The following ZNF445 variants were observed in gnomAD, a reference collection of about 807,000 sequenced individuals.
ZNF445 encodes zinc finger protein 445.
Under a neutral mutation model 93.9 loss-of-function variants are expected in ZNF445, and 19 were observed. The ratio of observed to expected loss-of-function variants is 0.20; its 90% confidence interval spans 0.14 to 0.30. The LOEUF is 0.30. Ranked by LOEUF, ZNF445 falls within the 10% of genes least tolerant of loss-of-function variation. The pLI is 1.00. For missense variants in ZNF445, 1,058 were observed against 1,259.4 expected (o/e 0.84, Z 2.42); for synonymous variants, 449 against 446.3 (o/e 1.01, Z -0.08).
chr3:44,475,794 T>A (rs534405477), intron 1 of ZNF445, among the ~76,000 whole-genome samples: 2 of 150,634 alleles, frequency 1.3e-5, no homozygotes, highest in Admixed American at 1.3e-4. Flanking sequence ...AGGTCGGGAG[T>A]TCGAGACCAG....
intron 1 of ZNF445, among the ~76,000 whole-genome samples, chr3:44,458,805 C>A (rs1698067352): frequency 6.6e-6 from 1 of 152,056 alleles, no homozygotes; most frequent in Non-Finnish European, 1.5e-5. Flanking sequence ...ATTCTCTGAC[C>A]TATTGTATCG....
intron 1 of ZNF445, among the ~76,000 whole-genome samples, chr3:44,467,155 CAG>C (rs1454296326): frequency 6.6e-6 from 1 of 152,180 alleles, no homozygotes; most frequent in Non-Finnish European, 1.5e-5. Flanking sequence ...GTTTTGTTTT[CAG>C]AGTTAAGAGA....
At position 44,458,369 on chromosome 3, in the gene ZNF445, A is replaced by G. The variant is rs1320573573; in HGVS notation, c.-268-5T>C. 1 of 152,060 alleles carries G rather than the reference A, an allele frequency of 6.6e-6. No homozygotes were observed. The highest frequency in any genetic ancestry group is 1.5e-5 in the Non-Finnish European group (1 of 68,056). The allele number at this position is 152,060 out of a possible 1,614,324, so 9.4% of individuals were successfully genotyped here. On this transcript the variant is annotated splice_polypyrimidine_tract_variant and splice_region_variant and intron_variant, in intron 1 of 7. Coordinates refer to ENST00000396077, the MANE Select transcript of ZNF445 (RefSeq NM_181489.6). ...TGCGAAAGAGCGAGACTCCACCTCA[A>G]AAAAAAGAACATAGGAGAAAACCTT...
At chr3:44,473,789 C>A (rs1341959473) in intron 1 of ZNF445, among the ~76,000 whole-genome samples, 2 of 146,800 alleles carry the variant, frequency 1.4e-5, no homozygotes, top group Non-Finnish European at 3.0e-5. Flanking sequence ...CAAAGAGCTA[C>A]AATAATTTCA....
At position 44,447,455 on chromosome 3, in the gene ZNF445, C is replaced by T. The variant is rs771991246; in HGVS notation, c.2216G>A (p.Gly739Asp). Residue 739 changes from glycine to aspartate, a missense_variant, in exon 8 of 8, where the codon GGC becomes GAC. Physicochemically the swap from Gly to Asp is moderately conservative, Grantham distance 94. Transcript: ENST00000396077. This position sits in a 1 kb window ranked among gnomAD's most constrained non-coding sequence, Gnocchi z 4.7. ...KKHAMKRKPE[G>D]GPSFSQDTVF... ...TGTGTCCTGACTAAAAGATGGCCCG[C>T]CCTCAGGTTTTCTTTTCATGGCATG... 5.6e-6 allele frequency: 9 copies of T among 1,614,184 alleles called. No individual in the cohort carries two copies. The highest frequency in any genetic ancestry group is 1.1e-5 in the South Asian group (1 of 91,080).
At position 44,441,763 on chromosome 3, in the gene ZNF445, A is replaced by T. The variant is rs759588610; in HGVS notation, c.*4812T>A. On this transcript the variant is annotated 3_prime_UTR_variant, in exon 8 of 8. Coordinates refer to ENST00000396077, the MANE Select transcript of ZNF445 (RefSeq NM_181489.6). ...CTGCATCAATTTTTAGAAAAAAACA[A>T]AGAAAACACAACTGAAGGCCCCATG... 7 of 152,190 alleles carry T rather than the reference A, an allele frequency of 4.6e-5. No homozygotes were observed. Among genetic ancestry groups the T allele is most frequent in the Non-Finnish European group, 1.0e-4 (7 of 68,034 alleles). The allele number at this position is 152,190 out of a possible 1,614,324, so 9.4% of individuals were successfully genotyped here. A position where few individuals can be genotyped will look rare whatever the true frequency, so the allele number is the denominator to read the frequency against.
Position 44,449,628 on chromosome 3 carries a change from A to G in ZNF445, c.821-5T>C. On this transcript the variant is annotated splice_region_variant and splice_polypyrimidine_tract_variant and intron_variant, in intron 6 of 7. Transcript: ENST00000396077. Reference sequence around the variant, plus strand: ...CAGGTTTGGTGAATGGTCCCACTGCAGAAGAGAAGAGAATGGCATGAGAAG... The same window carrying G: ...CAGGTTTGGTGAATGGTCCCACTGCGGAAGAGAAGAGAATGGCATGAGAAG... 6.2e-7 allele frequency: 1 copy of G among 1,606,806 alleles called. No homozygotes were observed. Among genetic ancestry groups the G allele is most frequent in the South Asian group, 1.1e-5 (1 of 90,904 alleles).
intron 1 of ZNF445, among the ~76,000 whole-genome samples, chr3:44,468,691 G>A (rs35069174): frequency 7.5e-6 from 1 of 133,786 alleles, no homozygotes; most frequent in African/African-American, 2.9e-5. Flanking sequence ...TCCCCCCGAG[G>A]AGCTGACTCA....
chr3:44,448,404 T>A lies in ZNF445; in HGVS notation c.1267A>T (p.Met423Leu). 1 of 1,614,236 alleles carries A rather than the reference T, an allele frequency of 6.2e-7. No homozygotes were observed. Among genetic ancestry groups the A allele is most frequent in the East Asian group, 2.2e-5 (1 of 44,894 alleles). Reference sequence around the variant, plus strand: ...TTGTAGTCATAGTGGTGTGAACTCATTCTGAAGTGTTTGCCACAGCCATGT... The same window carrying A: ...TTGTAGTCATAGTGGTGTGAACTCAATCTGAAGTGTTTGCCACAGCCATGT... The part of the protein sequence containing the change: ...LKHGCGKHFR[M>L]SSHHYDYKKY... The change falls in exon 8 of 8, where the codon ATG (methionine) becomes TTG (leucine). Residue 423 changes from methionine to leucine, a missense_variant. Physicochemically the swap from Met to Leu is conservative, Grantham distance 15. Around this residue, in one of 3 missense-constraint regions of ZNF445, gnomAD observed 657 missense variants for 746.4 expected, o/e 0.88. Coordinates refer to ENST00000396077, the MANE Select transcript of ZNF445 (RefSeq NM_181489.6).
In ZNF445 at chr3:44,441,420, A is replaced by G. The variant is rs1697809204; in HGVS notation, c.*5155T>C. ...TTGTGCTGACCTCCTATCTCATCCC[A>G]TGACTTGGAATGCCTAACCTCCTGG... On this transcript the variant is annotated 3_prime_UTR_variant, in exon 8 of 8. Coordinates refer to ENST00000396077, the MANE Select transcript of ZNF445 (RefSeq NM_181489.6). 1 of 152,182 alleles carries G rather than the reference A, an allele frequency of 6.6e-6. No individual in the cohort carries two copies. The highest frequency in any genetic ancestry group is 1.5e-5 in the Non-Finnish European group (1 of 68,034). The allele number at this position is 152,182 out of a possible 1,614,324, so 9.4% of individuals were successfully genotyped here. A position where few individuals can be genotyped will look rare whatever the true frequency, so the allele number is the denominator to read the frequency against.
rs1399231296 is a variant in ZNF445, at chr3:44,440,516, A to G, written c.*6059T>C. 2 of 152,194 alleles carry G rather than the reference A, an allele frequency of 1.3e-5. No homozygotes were observed. The highest frequency in any genetic ancestry group is 2.9e-5 in the Non-Finnish European group (2 of 68,026). 9.4% of individuals were successfully genotyped at this position (152,194 alleles called of 1,614,324 possible). A position where few individuals can be genotyped will look rare whatever the true frequency, so the allele number is the denominator to read the frequency against. On this transcript the variant is annotated 3_prime_UTR_variant, in exon 8 of 8. Transcript: ENST00000396077. ...TATATAGAGAACATCCTCATTTTTA[A>G]AAAAACTGTGGCCTGGTATTTCATC...
intron 3 of ZNF445, among the ~76,000 whole-genome samples, chr3:44,452,708 A>C (rs928342132): frequency 6.6e-6 from 1 of 152,174 alleles, no homozygotes; most frequent in Non-Finnish European, 1.5e-5. Context: ...GGTCCTTTTG[A>C]ACATTTCATT....
At chr3:44,457,725 G>A (rs1197081524) in intron 2 of ZNF445, among the ~76,000 whole-genome samples, 19 of 152,118 alleles carry the variant, frequency 1.2e-4, no homozygotes, top group African/African-American at 9.7e-5. Flanking sequence ...AGACTTGGCC[G>A]GGTGTGGTGG....
Position 44,447,287 on chromosome 3 carries a change from C to T in ZNF445, c.2384G>A (p.Cys795Tyr). Residue 795 changes from cysteine (C) to tyrosine (Y), a missense_variant, in exon 8 of 8, where the codon TGT (cysteine) becomes TAT (tyrosine). By Grantham distance (194) the Cys-to-Tyr change is radical (BLOSUM62 -2). Coordinates refer to ENST00000396077, the MANE Select transcript of ZNF445 (RefSeq NM_181489.6). The surrounding 1 kb of genome is among the most constrained non-coding windows in gnomAD (Gnocchi z 4.7). The part of the protein sequence containing the change: ...TGEKPYKCRE[C>Y]GKAFRWSSNL... ...GGAACTCCATCTGAAGGCTTTCCCA[C>T]ACTCCCTGCACTTATATGGCTTCTC... The T allele has an allele frequency of 6.2e-7, 1 of 1,614,182 alleles. No individual in the cohort carries two copies. The highest frequency in any genetic ancestry group is 8.5e-7 in the Non-Finnish European group (1 of 1,180,030).
rs1697875996 is a variant in ZNF445, at chr3:44,446,267, GTC to G, written c.*306_*307del. 5.5e-6 allele frequency: 2 copies of G among 363,484 alleles called. No homozygotes were observed. Among genetic ancestry groups the G allele is most frequent in the African/African-American group, 4.2e-5 (2 of 47,242 alleles). The allele number at this position is 363,484 out of a possible 1,614,324, so 22.5% of individuals were successfully genotyped here. ...TTCTGTCCAACCACAAAGGGCAGTG[GTC>G]TCTCTCTTCAGAGTTGTGGAAGGAG... On this transcript the variant is annotated 3_prime_UTR_variant, in exon 8 of 8. Transcript: ENST00000396077. The surrounding 1 kb of genome is among the most constrained non-coding windows in gnomAD (Gnocchi z 4.2).
chr3:44,450,727 G>T, intron 5 of ZNF445, 141 bp downstream of exon 5: 2 of 1,291,494 alleles, frequency 1.5e-6, no homozygotes, highest in Non-Finnish European at 2.1e-6. Flanking sequence ...CTCTGGGCTT[G>T]AGGGGGATAA....
chr3:44,438,999 C>G lies in ZNF445; in HGVS notation c.*7576G>C, dbSNP rs1267963514. 1 of 98,482 alleles carries G rather than the reference C, an allele frequency of 1.0e-5. No homozygotes were observed. Among genetic ancestry groups the G allele is most frequent in the African/African-American group, 4.0e-5 (1 of 25,118 alleles). The allele number at this position is 98,482 out of a possible 1,614,324, so 6.1% of individuals were successfully genotyped here. ...AACCTGCACATTGTGCACATGTACC[C>G]TAAAAGTATAAAAAAAAAAAAAACA... On this transcript the variant is annotated 3_prime_UTR_variant, in exon 8 of 8. Transcript: ENST00000396077.
intron 6 of ZNF445, 56 bp from the exon 7 acceptor site, chr3:44,449,679 T>C: frequency 7.0e-7 from 1 of 1,434,644 alleles, no homozygotes; most frequent in Non-Finnish European, 9.8e-7. Context: ...AGAACTACTC[T>C]TCAGGACCTC....
chr3:44,461,663 G>A (rs1238277254), intron 1 of ZNF445, among the ~76,000 whole-genome samples: 5 of 152,238 alleles, frequency 3.3e-5, no homozygotes, highest in Non-Finnish European at 7.3e-5. Flanking sequence ...AAAGACAACA[G>A]GGACCAATGG....
Sources: allele counts gnomAD v4.1 joint callset (sites outside exome capture counted in the v4.1 genomes callset), GRCh38; gene constraint gnomAD v4.1.1; regional missense constraint gnomAD v4.1.1; non-coding constraint Gnocchi (gnomAD v3.1); transcripts MANE v1.5; gene names NCBI Gene and HGNC (gene_info 2026-07-23, HGNC 2026-07-21).